The following AP1M2 variants were observed in gnomAD, a reference collection of about 807,000 sequenced individuals.
AP1M2 encodes adaptor related protein complex 1 subunit mu 2.
A neutral mutation model predicts 54.6 loss-of-function variants in AP1M2; 41 were observed. That is an observed-to-expected ratio of 0.75 (90% CI 0.59 to 0.97). The LOEUF is 0.97. AP1M2 is among the 50% of genes least tolerant of loss of function. The pLI is 0.00. For synonymous variants in AP1M2, 219 were observed against 215.9 expected (o/e 1.01, Z -0.13); for missense variants, 507 against 561.2 (o/e 0.90, Z 0.98).
Position 10,579,840 on chromosome 19 carries a change from A to G in AP1M2, c.692T>C (p.Val231Ala), listed in dbSNP as rs767220556. ...GTGGAATTTTACATCCTCCAGCTCT[A>G]CTGATTTGTTCTTGCTGCCTGAAAC... is the stretch of plus-strand genomic sequence containing the variant. ...ELTGRSKNKS[V>A]ELEDVKFHQC... Residue 231 changes from valine (V) to alanine (A), a missense_variant, in exon 7 of 12, where the codon GTA becomes GCA. Coordinates refer to ENST00000250244, the MANE Select transcript of AP1M2 (RefSeq NM_005498.5). 1.1e-5 allele frequency: 17 copies of G among 1,610,900 alleles called. 2 individuals are homozygous for G. The South Asian group carries it at 1.3e-4, about 13-fold the overall frequency.
intron 6 of AP1M2, 47 bp from the exon 7 acceptor site, chr19:10,579,905 A>G (rs1415133476): frequency 9.1e-6 from 14 of 1,542,666 alleles, no homozygotes; most frequent in African/African-American, 1.4e-5. Flanking sequence ...GAACCAGGAA[A>G]GGATCCCTAT....
At chr19:10,575,666 G>A (rs1285234625) in intron 9 of AP1M2, among the ~76,000 whole-genome samples, 1 of 151,936 alleles carries the variant, frequency 6.6e-6, no homozygotes, top group African/African-American at 2.4e-5. Flanking sequence ...AAGTTTACAC[G>A]TCTGTGAAAT....
intron 3 of AP1M2, 80 bp from the exon 4 acceptor site, chr19:10,581,958 C>A: frequency 6.9e-7 from 1 of 1,446,938 alleles, no homozygotes; most frequent in Non-Finnish European, 9.1e-7. Flanking sequence ...AACCCCAGCA[C>A]CTTGGGAGGC....
intron 6 of AP1M2, 44 bp downstream of exon 6, chr19:10,581,222 C>G (rs1917436550): frequency 6.4e-7 from 1 of 1,561,574 alleles, no homozygotes; most frequent in Non-Finnish European, 8.7e-7. Context: ...GGGTTTGCGA[C>G]TCCCCTGTGC....
chr19:10,584,799 T>G (rs765543017), intron 1 of AP1M2, among the ~76,000 whole-genome samples: 7 of 151,968 alleles, frequency 4.6e-5, no homozygotes, highest in Non-Finnish European at 7.4e-5. Flanking sequence ...GAAGTGAGGT[T>G]AGAAACCATG....
Position 10,574,506 on chromosome 19 carries a change from A to C in AP1M2, c.1174-14T>G. The C allele has an allele frequency of 1.3e-6, 2 of 1,556,384 alleles. No homozygotes were observed. Among genetic ancestry groups the C allele is most frequent in the East Asian group, 2.4e-5 (1 of 41,784 alleles). The stretch of plus-strand genomic sequence containing the variant: ...CATGTATCGGACCTGGAAGGGAATG[A>C]AAAGAGGTGGTCCAGGATTGCAGGA... On this transcript the variant is annotated splice_polypyrimidine_tract_variant and intron_variant, in intron 10 of 11. Coordinates refer to ENST00000250244, the MANE Select transcript of AP1M2 (RefSeq NM_005498.5).
intron 9 of AP1M2, among the ~76,000 whole-genome samples, chr19:10,575,595 G>T (rs1160022381): frequency 6.6e-6 from 1 of 151,992 alleles, no homozygotes; most frequent in Non-Finnish European, 1.5e-5. Context: ...GGTGAACCCA[G>T]GGCTGGTTTC....
At chr19:10,581,155 G>T in intron 6 of AP1M2, 111 bp downstream of exon 6, 1 of 1,437,220 alleles carries the variant, frequency 7.0e-7, no homozygotes, top group Non-Finnish European at 9.3e-7. Flanking sequence ...TCAGCAGATG[G>T]TGAGCGAGCG....
intron 6 of AP1M2, among the ~76,000 whole-genome samples, chr19:10,580,955 A>T (rs1917423140): frequency 6.6e-6 from 1 of 152,118 alleles, no homozygotes; most frequent in Non-Finnish European, 1.5e-5. Flanking sequence ...ACCCCATCCC[A>T]AAATAAATAA....
Position 10,581,560 on chromosome 19 carries a change from G to C in AP1M2, c.473C>G (p.Ser158Cys). The C allele has an allele frequency of 6.2e-7, 1 of 1,613,868 alleles. No homozygotes were observed. The highest frequency in any genetic ancestry group is 8.5e-7 in the Non-Finnish European group (1 of 1,179,830). The stretch of plus-strand genomic sequence containing the variant: ...ATACTTGATACCCTCGGAGCGCCAG[G>C]ACACAGCGTTGGTGACAGTGGGTGG... ...RVPPTVTNAV[S>C]WRSEGIKYKK... is the part of the protein sequence containing the mutation. Residue 158 changes from serine to cysteine, a missense_variant, in exon 5 of 12, where the codon TCC (serine) becomes TGC (cysteine). Physicochemically the swap from Ser to Cys is moderately radical, Grantham distance 112 (BLOSUM62 -1). Transcript: ENST00000250244.
intron 11 of AP1M2, 129 bp downstream of exon 11, chr19:10,574,288 A>T: frequency 1.3e-6 from 1 of 745,646 alleles, no homozygotes; most frequent in Non-Finnish European, 2.1e-6. Context: ...CCAAAGTGCT[A>T]GGATTACACA....
At chr19:10,577,158 C>A in intron 9 of AP1M2, 40 bp downstream of exon 9, 2 of 1,572,250 alleles carry the variant, frequency 1.3e-6, no homozygotes, top group South Asian at 1.2e-5. Context: ...TACTCCAGTC[C>A]CCTCCACCCC....
chr19:10,581,765 G>A lies in AP1M2; in HGVS notation c.381C>T (p.Asp127=). The A allele has an allele frequency of 6.2e-7, 1 of 1,613,696 alleles. No homozygotes were observed. The highest frequency in any genetic ancestry group is 8.5e-7 in the Non-Finnish European group (1 of 1,179,954). Residue 127 remains aspartate, a synonymous_variant, in exon 4 of 12, where the codon GAC becomes GAT. Transcript: ENST00000250244. ...LMDFGFPQTT[D]SKILQEYITQ... ...CCACTCACTCCTGCAGGATCTTGCT[G>A]TCGGTGGTCTGCGGGAAGCCAAAGT...
rs375809155 is a variant in AP1M2 at position 10,586,045 on chromosome 19, A to G, written c.42+1145T>C. The stretch of plus-strand genomic sequence containing the variant: ...ATGTCTGTAATCCCAGCACTTTGGG[A>G]GGCCGAGGTGGGCGGATCACGAGGT... On this transcript the variant is annotated intron_variant, in intron 1 of 11. Coordinates refer to ENST00000250244, the MANE Select transcript of AP1M2 (RefSeq NM_005498.5). 2.8e-4 allele frequency among the ~76,000 whole-genome samples: 43 copies of G among 152,212 alleles called. No individual in the cohort carries two copies. The South Asian group carries it at 4.6e-3, about 16-fold the overall frequency.
chr19:10,577,765 C>G (rs1917295455), intron 8 of AP1M2, among the ~76,000 whole-genome samples: 1 of 134,600 alleles, frequency 7.4e-6, no homozygotes. Flanking sequence ...TAGACGGAGT[C>G]TCTCTCTGTC....
rs1237847169 is a variant in AP1M2 at position 10,587,079 on chromosome 19, G to A, written c.42+111C>T. ...AGGTGGGATTCCCAGGGATTGCAGGGGGAGGGGGTGTTCCCAGACCTCTTC... is the reference window on the plus strand; with the variant it reads ...AGGTGGGATTCCCAGGGATTGCAGGAGGAGGGGGTGTTCCCAGACCTCTTC... On this transcript the variant is annotated intron_variant, in intron 1 of 11. Coordinates refer to ENST00000250244, the MANE Select transcript of AP1M2 (RefSeq NM_005498.5). The A allele has an allele frequency of 6.6e-6, 8 of 1,212,716 alleles. No homozygotes were observed. The Middle Eastern group carries it at 5.8e-4, about 88-fold the overall frequency. 75.1% of individuals were successfully genotyped at this position (1,212,716 alleles called of 1,614,324 possible). A position where few individuals can be genotyped will look rare whatever the true frequency, so the allele number is the denominator to read the frequency against.
At chr19:10,577,093 G>A in intron 9 of AP1M2, 105 bp downstream of exon 9, 2 of 1,282,516 alleles carry the variant, frequency 1.6e-6, no homozygotes, top group Non-Finnish European at 2.2e-6. Flanking sequence ...ACACCTGACT[G>A]GGTCTCTGAT....
At chr19:10,579,115 C>T (rs1242097009) in intron 7 of AP1M2, among the ~76,000 whole-genome samples, 152 bp from the exon 8 acceptor site, 1 of 151,500 alleles carries the variant, frequency 6.6e-6, no homozygotes, top group African/African-American at 2.4e-5. Flanking sequence ...ACCTGCACCT[C>T]CTGGACTAAA....
chr19:10,586,489 G>T (rs553390485), intron 1 of AP1M2, among the ~76,000 whole-genome samples: 1 of 151,254 alleles, frequency 6.6e-6, no homozygotes, highest in Non-Finnish European at 1.5e-5. Flanking sequence ...AAATAGCCGG[G>T]CATGGAGGGG....
Sources: gnomAD v4.1 joint callset for allele counts (sites outside exome capture counted in the v4.1 genomes callset) on GRCh38, gnomAD v4.1.1 for gene constraint, MANE v1.5 for transcripts, NCBI Gene and HGNC (gene_info 2026-07-23, HGNC 2026-07-21) for gene names.